DHRS9: variants seen among roughly 807,000 people sequenced by gnomAD.
The protein encoded by DHRS9 is dehydrogenase/reductase SDR family member 9.
Under a neutral mutation model 26.6 loss-of-function variants are expected in DHRS9, and 18 were observed. The observed-to-expected ratio is 0.68, with a 90% CI of 0.47 to 1.00. DHRS9 has a LOEUF of 1.00. DHRS9 is among the 50% of genes least tolerant of loss of function. The pLI is 0.00. For synonymous variants in DHRS9, 134 were observed against 141.1 expected (o/e 0.95, Z 0.36); for missense variants, 425 against 378.7 (o/e 1.12, Z -1.01).
chr2:169,068,514 T>C (rs539509142), upstream of DHRS9, among the ~76,000 whole-genome samples: 1 of 152,208 alleles, frequency 6.6e-6, no homozygotes, highest in African/African-American at 2.4e-5. Flanking sequence ...TTAGTAGAGA[T>C]GGGGTTTCAC....
chr2:169,073,281 A>T (rs937171011), intron 1 of DHRS9, among the ~76,000 whole-genome samples: 2 of 152,238 alleles, frequency 1.3e-5, no homozygotes, highest in Non-Finnish European at 1.5e-5. Flanking sequence ...TTGCCACTAC[A>T]ACTGTAGCTG....
rs548684368 is a variant in DHRS9, at chr2:169,095,493, C to T, written c.737-51C>T. The T allele has an allele frequency of 7.9e-5, 118 of 1,488,346 alleles. No homozygotes were observed. The South Asian group carries it at 1.2e-3, about 15-fold the overall frequency. 92.2% of individuals were successfully genotyped at this position (1,488,346 alleles called of 1,614,324 possible). On this transcript the variant is annotated intron_variant, in intron 4 of 4. Coordinates refer to ENST00000674881, the MANE Select transcript of DHRS9 (RefSeq NM_001376924.1). ...CTCCCCTTTGCACCCTAGACTTCCACTCTGCTTTCCCCTTCTACCAAAGAG... is the reference window on the plus strand; with the variant it reads ...CTCCCCTTTGCACCCTAGACTTCCATTCTGCTTTCCCCTTCTACCAAAGAG...
intron 1 of DHRS9, chr2:169,074,157 C>A: frequency 2.1e-6 from 1 of 473,742 alleles, no homozygotes; most frequent in Non-Finnish European, 2.8e-6. Context: ...AAGTGATTCA[C>A]CCTGCCATGA....
At chr2:169,069,838 A>G (rs761454639) in intron 1 of DHRS9, 121 bp downstream of exon 1, 28 of 885,336 alleles carry the variant, frequency 3.2e-5, no homozygotes, top group Admixed American at 6.2e-5. Context: ...CAATGTTGCT[A>G]CTTCTTTTAA....
At chr2:169,079,909 G>C (rs1273260311) in intron 1 of DHRS9, among the ~76,000 whole-genome samples, 1 of 84,932 alleles carries the variant, frequency 1.2e-5, no homozygotes. Flanking sequence ...GAGGGAGGGA[G>C]GGAGGGAGGG....
At chr2:169,067,645 T>C (rs1440848821), upstream of DHRS9, among the ~76,000 whole-genome samples, 1 of 152,188 alleles carries the variant, frequency 6.6e-6, no homozygotes, top group African/African-American at 2.4e-5. Flanking sequence ...TTTTTTAATG[T>C]GATCTTTGAT....
At chr2:169,073,511 G>T (rs767279947) in intron 1 of DHRS9, among the ~76,000 whole-genome samples, 11 of 152,144 alleles carry the variant, frequency 7.2e-5, no homozygotes, top group Non-Finnish European at 1.3e-4. Flanking sequence ...TTTGAATTCT[G>T]TAGGGTCAGT....
intron 3 of DHRS9, among the ~76,000 whole-genome samples, chr2:169,091,117 A>G (rs1254226095): frequency 2.6e-5 from 4 of 152,256 alleles, no homozygotes; most frequent in East Asian, 1.9e-4. Flanking sequence ...GTGACCCCAC[A>G]GGAACATCTG....
intron 2 of DHRS9, among the ~76,000 whole-genome samples, chr2:169,082,266 G>T (rs954669321): frequency 6.6e-6 from 1 of 152,164 alleles, no homozygotes; most frequent in African/African-American, 2.4e-5. Context: ...TTGCCATCTG[G>T]ATACCTGGCA....
chr2:169,083,759 T>A (rs1459300224), intron 3 of DHRS9, among the ~76,000 whole-genome samples, 172 bp downstream of exon 3: 1 of 152,206 alleles, frequency 6.6e-6, no homozygotes, highest in Non-Finnish European at 1.5e-5. Context: ...TATTTTGATA[T>A]AAGTATACAA....
At chr2:169,079,112 G>T (rs1225678935) in intron 1 of DHRS9, among the ~76,000 whole-genome samples, 1 of 151,962 alleles carries the variant, frequency 6.6e-6, no homozygotes, top group African/African-American at 2.4e-5. Flanking sequence ...CTCCCAAAGT[G>T]CTGGGATTAC....
chr2:169,067,148 T>C (rs893044534), upstream of DHRS9: 3 of 1,535,510 alleles, frequency 2.0e-6, no homozygotes, highest in African/African-American at 1.4e-5. Context: ...TACATCATTA[T>C]GCCAGAAGGA....
intron 1 of DHRS9, chr2:169,070,351 T>C (rs1453103680): frequency 3.0e-6 from 3 of 985,298 alleles, no homozygotes; most frequent in African/African-American, 1.7e-5. Context: ...GTTTGGTTTT[T>C]CAAATGATGA....
intron 1 of DHRS9, among the ~76,000 whole-genome samples, chr2:169,079,879 A>AG (rs1558951350): frequency 1.1e-4 from 7 of 62,312 alleles, no homozygotes; most frequent in South Asian, 5.3e-4. Flanking sequence ...GAAAGAAAGA[A>AG]AGAAAGAGAG....
intron 1 of DHRS9, among the ~76,000 whole-genome samples, chr2:169,074,882 A>G (rs1683917685): frequency 6.6e-6 from 1 of 152,180 alleles, no homozygotes; most frequent in African/African-American, 2.4e-5. Context: ...GCTGTACCTA[A>G]TGAGGACAAT....
At chr2:169,089,223 C>T (rs911975932) in intron 3 of DHRS9, among the ~76,000 whole-genome samples, 1 of 152,150 alleles carries the variant, frequency 6.6e-6, no homozygotes, top group African/African-American at 2.4e-5. Context: ...ACTGAAGGGA[C>T]AAGGAGACAG....
rs1354133374 is a variant in DHRS9 at position 169,081,726 on chromosome 2, T to G, written c.145T>G (p.Phe49Val). The change falls in exon 2 of 5, where the codon TTT (phenylalanine) becomes GTT (valine). Residue 49 changes from phenylalanine to valine, a missense_variant. Physicochemically the swap from Phe to Val is conservative, Grantham distance 50. Coordinates refer to ENST00000674881, the MANE Select transcript of DHRS9 (RefSeq NM_001376924.1). Reference protein sequence around the residue: ...SGFGNLAARTFDKKGFHVIAA... With the variant: ...SGFGNLAARTVDKKGFHVIAA... ...CTTTGGAAACTTGGCAGCCAGAACT[T>G]TTGATAAAAAGGGATTTCATGTAAT... 2 of 1,614,036 alleles carry G rather than the reference T, an allele frequency of 1.2e-6. No individual in the cohort carries two copies. Among genetic ancestry groups the G allele is most frequent in the African/African-American group, 1.3e-5 (1 of 74,912 alleles).
intron 3 of DHRS9, among the ~76,000 whole-genome samples, chr2:169,088,712 A>G (rs1009404210): frequency 1.3e-5 from 2 of 152,192 alleles, no homozygotes; most frequent in African/African-American, 4.8e-5. Context: ...TTTGAACCCA[A>G]GTTTAACTCC....
At chr2:169,067,234 C>G, upstream of DHRS9, 1 of 1,535,510 alleles carries the variant, frequency 6.5e-7, no homozygotes, top group Non-Finnish European at 8.7e-7. Flanking sequence ...GGATATACTC[C>G]AGAAGTTGGA....
Sources: allele counts gnomAD v4.1 joint callset (sites outside exome capture counted in the v4.1 genomes callset), GRCh38; gene constraint gnomAD v4.1.1; transcripts MANE v1.5; gene names NCBI Gene and HGNC (gene_info 2026-07-23, HGNC 2026-07-21).